The following AKAP9 variants were observed in gnomAD, a reference collection of about 807,000 sequenced individuals.
AKAP9 encodes the protein A-kinase anchor protein 9.
Under a neutral mutation model 488.5 loss-of-function variants are expected in AKAP9, and 311 were observed. The ratio of observed to expected loss-of-function variants is 0.64; its 90% CI spans 0.58 to 0.70. AKAP9 has a LOEUF of 0.70. Ranked by LOEUF, AKAP9 falls within the 30% of genes least tolerant of loss-of-function variation. AKAP9 has a pLI of 0.00. For synonymous variants in AKAP9, 1,462 were observed against 1,483.5 expected (o/e 0.99, Z 0.33); for missense variants, 4,215 against 4,374.5 (o/e 0.96, Z 1.03).
chr7:92,018,753 T>A (rs1801900324), intron 12 of AKAP9, among the ~76,000 whole-genome samples: 1 of 152,224 alleles, frequency 6.6e-6, no homozygotes, highest in South Asian at 2.1e-4. Flanking sequence ...CAGGGATCTT[T>A]ATTTGATCCT....
chr7:91,954,793 A>G (rs1792738338), intron 1 of AKAP9, among the ~76,000 whole-genome samples: 1 of 152,214 alleles, frequency 6.6e-6, no homozygotes, highest in African/African-American at 2.4e-5. Context: ...AAAGATCCCC[A>G]GTGAGCAATA....
chr7:92,034,500 T>TA (rs374127163), intron 16 of AKAP9, among the ~76,000 whole-genome samples: 4,039 of 88,320 alleles, frequency 0.046, 65 homozygotes, highest in East Asian at 0.18. Flanking sequence ...ATATATATAT[T>TA]TTTTTTTTTT....
In AKAP9 at chr7:92,110,115, C is replaced by T. The variant is rs777412252; in HGVS notation, c.11687-7C>T. The T allele has an allele frequency of 3.8e-6, 6 of 1,597,184 alleles. No homozygotes were observed. Among genetic ancestry groups the T allele is most frequent in the African/African-American group, 1.3e-5 (1 of 74,764 alleles). On this transcript the variant is annotated splice_polypyrimidine_tract_variant and splice_region_variant and intron_variant, in intron 49 of 49. Transcript: ENST00000356239. ...AATCAGTTGAATTTCCTGTTTTTCT[C>T]TCATAGGTTCAACTACTCAATTTCA...
intron 28 of AKAP9, among the ~76,000 whole-genome samples, chr7:92,072,066 A>G (rs1020611132): frequency 6.6e-6 from 1 of 152,290 alleles, no homozygotes; most frequent in South Asian, 2.1e-4. Flanking sequence ...TAAACTGAGT[A>G]AAGTAATTTA....
chr7:92,102,491 C>CTACTACTACT (rs1554469806), intron 45 of AKAP9, 103 bp from the exon 46 acceptor site: 11 of 656,532 alleles, frequency 1.7e-5, no homozygotes, highest in Admixed American at 1.7e-4. Context: ...CTACTACTAC[C>CTACTACTACT]ACCACCACCA....
intron 47 of AKAP9, among the ~76,000 whole-genome samples, chr7:92,106,982 C>A (rs114151095): frequency 9.2e-5 from 14 of 152,294 alleles, no homozygotes; most frequent in African/African-American, 3.4e-4. Context: ...CCCACTCAGA[C>A]ACCCCTCACC....
intron 3 of AKAP9, among the ~76,000 whole-genome samples, chr7:91,981,843 A>T (rs1481266338): frequency 6.6e-6 from 1 of 151,946 alleles, no homozygotes; most frequent in Non-Finnish European, 1.5e-5. Context: ...TGACCTCATG[A>T]TCTACCCACC....
intron 32 of AKAP9, 22 bp downstream of exon 32, chr7:92,082,684 C>G: frequency 6.2e-7 from 1 of 1,612,622 alleles, no homozygotes; most frequent in Non-Finnish European, 8.5e-7. Context: ...AACATAGCTC[C>G]TAATTCACTC....
chr7:92,032,235 G>A (rs1030298528), intron 16 of AKAP9, among the ~76,000 whole-genome samples: 1 of 152,122 alleles, frequency 6.6e-6, no homozygotes, highest in Non-Finnish European at 1.5e-5. Flanking sequence ...AGTGGCTCAC[G>A]CCTGTAATCC....
At chr7:91,963,481 G>GACACACACAC (rs1562902649) in intron 1 of AKAP9, among the ~76,000 whole-genome samples, 1 of 115,640 alleles carries the variant, frequency 8.6e-6, no homozygotes, top group Non-Finnish European at 1.8e-5. Context: ...TAACATATTT[G>GACACACACAC]TCACACACAC....
chr7:92,000,970 A>G lies in AKAP9; in HGVS notation c.1053A>G (p.Lys351=), dbSNP rs368967178. The part of the protein sequence containing the change: ...EEKKTLELKD[K]LTTADKLLGE... ...AGAAAACTCTTGAGCTAAAGGATAA[A>G]TTAACAACTGCTGATAAATTACTAG... The change falls in exon 8 of 50, where the codon AAA becomes AAG. Residue 351 remains lysine (K), a synonymous_variant. Coordinates refer to ENST00000356239, the MANE Select transcript of AKAP9 (RefSeq NM_005751.5). 683 of 1,533,734 alleles carry G rather than the reference A, an allele frequency of 4.5e-4. 2 individuals are homozygous for G. In the African/African-American group the frequency reaches 8.7e-3, roughly 19 times the overall value.
intron 3 of AKAP9, among the ~76,000 whole-genome samples, chr7:91,988,796 T>C (rs545071955): frequency 1.3e-5 from 2 of 152,164 alleles, no homozygotes; most frequent in Non-Finnish European, 2.9e-5. Flanking sequence ...AAATACAGTT[T>C]GTTTTTTTAT....
rs777120709 is a variant in AKAP9, at chr7:92,097,830, A to G, written c.10607+36A>G. On this transcript the variant is annotated intron_variant, in intron 42 of 49. Transcript: ENST00000356239. Reference sequence around the variant, plus strand: ...TCTGCCTGATCTTTGGGAAAGTAGTATTCTTAGGCTGGGTAGACCCCATGC... The same window carrying G: ...TCTGCCTGATCTTTGGGAAAGTAGTGTTCTTAGGCTGGGTAGACCCCATGC... 11 of 1,603,880 alleles carry G rather than the reference A, an allele frequency of 6.9e-6. No individual in the cohort carries two copies. In the South Asian group the frequency reaches 1.2e-4, roughly 18 times the overall value.
At position 92,023,028 on chromosome 7, in the gene AKAP9, C is replaced by T. The variant is rs1481793114; in HGVS notation, c.4148+19C>T. 1.2e-6 allele frequency: 2 copies of T among 1,602,704 alleles called. No homozygotes were observed. The highest frequency in any genetic ancestry group is 1.7e-6 in the Non-Finnish European group (2 of 1,169,676). ...CGCCAAGGTATTCATCTGCTTATAG[C>T]TTCATTCAACAGTATTTGTAGCTTT... On this transcript the variant is annotated intron_variant, in intron 14 of 49. Transcript: ENST00000356239.
intron 5 of AKAP9, among the ~76,000 whole-genome samples, 183 bp downstream of exon 5, chr7:91,993,238 G>T (rs1797996381): frequency 6.7e-6 from 1 of 150,262 alleles, no homozygotes; most frequent in Non-Finnish European, 1.5e-5. Flanking sequence ...GCCCAGGCTG[G>T]AGTGTAGTGG....
chr7:92,037,770 A>T lies in AKAP9; in HGVS notation c.4339-649A>T, dbSNP rs548327137. Among the ~76,000 whole-genome samples the T allele has an allele frequency of 2.1e-3, 320 of 152,358 alleles. 1 individual carries two copies. Among genetic ancestry groups the T allele is most frequent in the Non-Finnish European group, 3.8e-3 (258 of 68,030 alleles). ...ATTTGTTTTGAGGAAATAAGAAAAG[A>T]TATGCACAATTATATAATTACAAAT... is the stretch of plus-strand genomic sequence containing the variant. On this transcript the variant is annotated intron_variant, in intron 16 of 49. Transcript: ENST00000356239.
intron 20 of AKAP9, 146 bp downstream of exon 20, chr7:92,042,917 T>C: frequency 1.8e-6 from 1 of 557,260 alleles, no homozygotes; most frequent in Admixed American, 2.9e-5. Flanking sequence ...TGTCCATGTA[T>C]GTGTAGTATG....
intron 26 of AKAP9, among the ~76,000 whole-genome samples, 172 bp downstream of exon 26, chr7:92,066,718 G>A (rs1810827582): frequency 6.6e-6 from 1 of 152,004 alleles, no homozygotes; most frequent in South Asian, 2.1e-4. Context: ...GAAAATTGTT[G>A]GTATTGAAAT....
At chr7:92,107,616 C>A in intron 48 of AKAP9, 194 bp downstream of exon 48, 1 of 542,142 alleles carries the variant, frequency 1.8e-6, no homozygotes, top group Non-Finnish European at 3.3e-6. Context: ...GCGGGCAGAT[C>A]ATGAGGTCAG....
Sources: allele counts gnomAD v4.1 joint callset (sites outside exome capture counted in the v4.1 genomes callset), GRCh38; gene constraint gnomAD v4.1.1; transcripts MANE v1.5; gene names NCBI Gene and HGNC (gene_info 2026-07-23, HGNC 2026-07-21).